The following MKNK2 variants were observed in gnomAD, a reference collection of about 807,000 sequenced individuals.
MKNK2 encodes MAP kinase-interacting serine/threonine-protein kinase 2.
In MKNK2, 54 loss-of-function variants were observed where a neutral mutation model predicts 55.0. That is an observed-to-expected ratio of 0.98 (90% CI 0.79 to 1.23). The LOEUF (loss-of-function observed/expected upper bound fraction) is 1.23. Among genes scored for constraint, MKNK2 ranks in the 50% most tolerant of loss-of-function variants. MKNK2 has a pLI of 0.00. For missense variants in MKNK2, 685 were observed against 632.1 expected, an observed-to-expected ratio of 1.08 and a Z score of -0.90; for synonymous variants, 323 against 256.0, an observed-to-expected ratio of 1.26 and a Z score of -2.50.
chr19:2,038,256 T>A lies in MKNK2; in HGVS notation c.*1357A>T. On this transcript the variant is annotated 3_prime_UTR_variant, in exon 14 of 14. Transcript: ENST00000250896. ...AGTCCATCGATGTGTTGTTTTTTTT[T>A]AAGGAAAAACTAAAAAACTAAACAG... 1.0e-6 allele frequency: 1 copy of A among 987,426 alleles called. No individual in the cohort carries two copies. The highest frequency in any genetic ancestry group is 1.2e-6 in the Non-Finnish European group (1 of 831,282). The allele number at this position is 987,426 out of a possible 1,614,324, so 61.2% of individuals were successfully genotyped here. A position where few individuals can be genotyped will look rare whatever the true frequency, so the allele number is the denominator to read the frequency against.
At chr19:2,044,912 C>T (rs1015289686) in intron 5 of MKNK2, among the ~76,000 whole-genome samples, 1 of 152,168 alleles carries the variant, frequency 6.6e-6, no homozygotes, top group Non-Finnish European at 1.5e-5. Context: ...GCTCTGCATC[C>T]AGCCAGCAGC....
chr19:2,037,561 G>T lies in MKNK2; in HGVS notation c.*2052C>A, dbSNP rs1014856002. 6.9e-6 allele frequency: 3 copies of T among 436,506 alleles called. No individual in the cohort carries two copies. In the Admixed American group the frequency reaches 1.3e-4, roughly 19 times the overall value. The allele number at this position is 436,506 out of a possible 1,614,324, so 27.0% of individuals were successfully genotyped here. ...GTGTAAAGGAAAACTTCTGAGCTCC[G>T]TCAGTTCACCTGGTACATTGGAATT... On this transcript the variant is annotated 3_prime_UTR_variant, in exon 14 of 14. Transcript: ENST00000250896.
At chr19:2,043,233 C>G (rs778034255) in intron 6 of MKNK2, 36 bp from the exon 7 acceptor site, 1 of 1,529,810 alleles carries the variant, frequency 6.5e-7, no homozygotes. Context: ...GGAGCTGAGG[C>G]TTCCTGAGGC....
chr19:2,050,092 G>A (rs1238252049), intron 2 of MKNK2, among the ~76,000 whole-genome samples: 2 of 152,104 alleles, frequency 1.3e-5, no homozygotes, highest in Non-Finnish European at 2.9e-5. Context: ...AGGTCCTGCG[G>A]GGCCCCTGCC....
chr19:2,041,250 G>A, intron 11 of MKNK2, 46 bp from the exon 12 acceptor site: 4 of 1,575,200 alleles, frequency 2.5e-6, no homozygotes, highest in Non-Finnish European at 3.5e-6. Context: ...CCAAGGGCCT[G>A]GATACTGTGC....
At chr19:2,050,742 C>T in intron 2 of MKNK2, 59 bp downstream of exon 2, 1 of 1,484,650 alleles carries the variant, frequency 6.7e-7, no homozygotes, top group Non-Finnish European at 9.1e-7. Context: ...CCGCGCCCCC[C>T]ACGCCGGCCA....
intron 2 of MKNK2, among the ~76,000 whole-genome samples, chr19:2,049,050 C>T (rs1334615166): frequency 6.6e-6 from 1 of 152,210 alleles, no homozygotes; most frequent in African/African-American, 2.4e-5. Context: ...CAGAGCCCAG[C>T]GTGAGCTCCT....
At chr19:2,045,165 C>A (rs1402521788) in intron 5 of MKNK2, among the ~76,000 whole-genome samples, 1 of 152,172 alleles carries the variant, frequency 6.6e-6, no homozygotes, top group African/African-American at 2.4e-5. Flanking sequence ...GATCCCAACA[C>A]TGACCACACC....
At chr19:2,045,182 A>G (rs1028197451) in intron 5 of MKNK2, among the ~76,000 whole-genome samples, 8 of 152,132 alleles carry the variant, frequency 5.3e-5, no homozygotes, top group African/African-American at 1.9e-4. Flanking sequence ...CACCAGGTCA[A>G]TGTGGCAAGA....
In MKNK2 at chr19:2,046,275, G is replaced by A. The variant is rs956694694; in HGVS notation, c.250C>T (p.Gln84Ter). Residue 84 changes from glutamine (Q) to a stop codon, truncating the protein, a stop_gained, in exon 5 of 14, where the codon CAG becomes TAG. Transcript: ENST00000250896. LOFTEE classifies it high-confidence loss of function. ...TCCCCCAGCACATCTTCCTGCAGCT[G>A]GTAGACGTCTGCCGGGCAGCGGGGC... ...SFSGRFEDVYQLQEDVLGEGA... is the reference protein window; with the variant it reads ...SFSGRFEDVY 6.2e-7 allele frequency: 1 copy of A among 1,604,598 alleles called. No individual in the cohort carries two copies. The highest frequency in any genetic ancestry group is 8.5e-7 in the Non-Finnish European group (1 of 1,179,894).
chr19:2,042,338 C>T, intron 10 of MKNK2, 89 bp downstream of exon 10: 3 of 1,220,246 alleles, frequency 2.5e-6, no homozygotes, highest in Non-Finnish European at 3.5e-6. Context: ...AGCTCCGCGG[C>T]CTGGAGCTGC....
intron 2 of MKNK2, among the ~76,000 whole-genome samples, chr19:2,048,427 G>C (rs902014597): frequency 6.6e-6 from 1 of 152,120 alleles, no homozygotes; most frequent in Non-Finnish European, 1.5e-5. Flanking sequence ...TGAAGCTGGG[G>C]AACCGAGGCC....
chr19:2,040,233 G>A (rs992098459), intron 12 of MKNK2, 56 bp from the exon 13 acceptor site: 25 of 1,435,070 alleles, frequency 1.7e-5, no homozygotes, highest in Admixed American at 4.8e-5. Flanking sequence ...CGCCTGGGGC[G>A]CTGGGTGGGG....
In MKNK2 at chr19:2,043,931, G is replaced by T. The variant is rs886935360; in HGVS notation, c.340-349C>A. ...GGAGGTTGCAGGGAGCTGAGATCGCGCCATTGCACTCCAGCATCCTGGTGA... is the reference window on the plus strand; with the variant it reads ...GGAGGTTGCAGGGAGCTGAGATCGCTCCATTGCACTCCAGCATCCTGGTGA... On this transcript the variant is annotated intron_variant, in intron 5 of 13. Transcript: ENST00000250896. 4.8e-4 allele frequency among the ~76,000 whole-genome samples: 63 copies of T among 130,186 alleles called. No individual in the cohort carries two copies. The Admixed American group carries it at 6.0e-3, about 12-fold the overall frequency. The allele number at this position is 130,186 out of a possible 152,430, so 85.4% of individuals were successfully genotyped here. A position where few individuals can be genotyped will look rare whatever the true frequency, so the allele number is the denominator to read the frequency against.
At chr19:2,042,155 A>C in intron 10 of MKNK2, 121 bp from the exon 11 acceptor site, 2 of 988,274 alleles carry the variant, frequency 2.0e-6, no homozygotes, top group South Asian at 1.8e-5. Context: ...GGCCCGACCA[A>C]TCAGCGGCTG....
chr19:2,039,745 G>T lies in MKNK2; in HGVS notation c.1266C>A (p.Gly422=), dbSNP rs1164649242. Residue 422 remains glycine, a synonymous_variant, in exon 14 of 14, where the codon GGC becomes GGA. Transcript: ENST00000250896. The part of the protein sequence containing the change: ...DLAEEEAAGQ[G]QPVLVRATSR... The stretch of plus-strand genomic sequence containing the variant: ...AGGTAGCTCGGACCAGGACGGGCTG[G>T]CCCTGCCCCGCGGCCTCCTCCTCAG... 4 of 1,609,010 alleles carry T rather than the reference G, an allele frequency of 2.5e-6. No individual in the cohort carries two copies. In the African/African-American group the frequency reaches 5.3e-5, roughly 21 times the overall value.
Position 2,037,686 on chromosome 19 carries a change from C to A in MKNK2, c.*1927G>T. 2 of 1,195,198 alleles carry A rather than the reference C, an allele frequency of 1.7e-6. No homozygotes were observed. Among genetic ancestry groups the A allele is most frequent in the Non-Finnish European group, 2.3e-6 (2 of 871,084 alleles). The allele number at this position is 1,195,198 out of a possible 1,614,324, so 74.0% of individuals were successfully genotyped here. A position where few individuals can be genotyped will look rare whatever the true frequency, so the allele number is the denominator to read the frequency against. ...ATCGTAACATTAACACATGGCCGTT[C>A]ACCGTCCCCCAGCGATGGGAGCTGG... On this transcript the variant is annotated 3_prime_UTR_variant, in exon 14 of 14. Transcript: ENST00000250896.
In MKNK2 at chr19:2,038,646, C is replaced by A; in HGVS notation, c.*967G>T. 2 of 985,616 alleles carry A rather than the reference C, an allele frequency of 2.0e-6. No individual in the cohort carries two copies. Among genetic ancestry groups the A allele is most frequent in the South Asian group, 4.7e-5 (1 of 21,296 alleles). 61.1% of individuals were successfully genotyped at this position (985,616 alleles called of 1,614,324 possible). A position where few individuals can be genotyped will look rare whatever the true frequency, so the allele number is the denominator to read the frequency against. ...AAGGACAAGGACGGAGCTGACGGAG[C>A]TTCCAGGTCAGGCCCGAGGGGCGGC... On this transcript the variant is annotated 3_prime_UTR_variant, in exon 14 of 14. Coordinates refer to ENST00000250896, the MANE Select transcript of MKNK2 (RefSeq NM_199054.3).
intron 2 of MKNK2, among the ~76,000 whole-genome samples, 200 bp from the exon 3 acceptor site, chr19:2,046,891 C>G (rs1447085618): frequency 1.3e-5 from 2 of 152,216 alleles, no homozygotes; most frequent in African/African-American, 2.4e-5. Context: ...CAGCATAAAC[C>G]AGGGGACCCC....
Sources: allele counts gnomAD v4.1 joint callset (sites outside exome capture counted in the v4.1 genomes callset), GRCh38; gene constraint gnomAD v4.1.1; transcripts MANE v1.5; gene names NCBI Gene and HGNC (gene_info 2026-07-23, HGNC 2026-07-21).